The following FAM168A variants were observed in gnomAD, a reference collection of about 807,000 sequenced individuals.
FAM168A encodes protein FAM168A.
FAM168A carries 3 observed loss-of-function variants against 28.5 expected under a neutral mutation model. The ratio of observed to expected loss-of-function variants is 0.11; its 90% CI spans 0.05 to 0.27. The LOEUF (loss-of-function observed/expected upper bound fraction) is 0.27. FAM168A is among the 10% of genes least tolerant of loss of function. The pLI, the probability that FAM168A is intolerant of heterozygous loss-of-function variation, is 1.00. For synonymous variants in FAM168A, 122 were observed against 124.2 expected, an observed-to-expected ratio of 0.98 and a Z score of 0.12; for missense variants, 222 against 311.5, an observed-to-expected ratio of 0.71 and a Z score of 2.16.
chr11:73,551,727 T>C (rs1046486774), intron 1 of FAM168A, among the ~76,000 whole-genome samples: 2 of 152,246 alleles, frequency 1.3e-5, no homozygotes, highest in African/African-American at 4.8e-5. Context: ...AATTCTAACA[T>C]GGCAACACCA....
At chr11:73,544,951 TATATTA>T (rs1419245221) in intron 1 of FAM168A, among the ~76,000 whole-genome samples, 18 of 94,600 alleles carry the variant, frequency 1.9e-4, no homozygotes, top group African/African-American at 7.7e-4. Flanking sequence ...TAATATATAA[TATATTA>T]TATATAATAT....
intron 1 of FAM168A, among the ~76,000 whole-genome samples, chr11:73,490,577 T>G (rs1868114064): frequency 6.6e-6 from 1 of 152,228 alleles, no homozygotes; most frequent in Non-Finnish European, 1.5e-5. Context: ...TCCCCTGCTA[T>G]TCCTTAAAAC....
chr11:73,532,307 CT>C (rs1282906678), intron 1 of FAM168A, among the ~76,000 whole-genome samples: 1 of 152,166 alleles, frequency 6.6e-6, no homozygotes, highest in Non-Finnish European at 1.5e-5. Context: ...TACCCCACCC[CT>C]GCCCAGTGCC....
intron 1 of FAM168A, among the ~76,000 whole-genome samples, chr11:73,589,196 T>C (rs963769918): frequency 1.3e-5 from 2 of 152,192 alleles, no homozygotes; most frequent in African/African-American, 4.8e-5. Context: ...CTACAAAAAT[T>C]ATGCACGGGT....
At chr11:73,529,796 C>CTTTTTTTTTTTTTTTTTTTTTTTTTTTTT (rs772530179) in intron 1 of FAM168A, among the ~76,000 whole-genome samples, 6 of 127,530 alleles carry the variant, frequency 4.7e-5, no homozygotes, top group African/African-American at 2.0e-4. Context: ...ACTTTTTCTT[C>CTTTTTTTTTTTTTTTTTTTTTTTTTTTTT]TTTTTTTTTT....
At chr11:73,440,423 A>G (rs1020572894) in intron 2 of FAM168A, among the ~76,000 whole-genome samples, 3 of 152,156 alleles carry the variant, frequency 2.0e-5, no homozygotes, top group African/African-American at 7.2e-5. Flanking sequence ...AGGAAGGAGG[A>G]CCGCTGCTTG....
rs183155194 is a variant in FAM168A, at chr11:73,439,550, G to T, written c.71-8780C>A. On this transcript the variant is annotated intron_variant, in intron 2 of 7. Transcript: ENST00000356467. Reference sequence around the variant, plus strand: ...ACGCTAGTAATATAACTGCTCCTACGTAAATATATAAGGCCAAGAGTGTGC... The same window carrying T: ...ACGCTAGTAATATAACTGCTCCTACTTAAATATATAAGGCCAAGAGTGTGC... 3.6e-3 allele frequency among the ~76,000 whole-genome samples: 551 copies of T among 152,184 alleles called. 2 individuals carry two copies. The highest frequency in any genetic ancestry group is 0.013 in the African/African-American group (519 of 41,520).
At chr11:73,520,190 C>T (rs1943357941) in intron 1 of FAM168A, among the ~76,000 whole-genome samples, 1 of 151,848 alleles carries the variant, frequency 6.6e-6, no homozygotes, top group African/African-American at 2.4e-5. Context: ...GGACTACAGG[C>T]GTGCACCACC....
chr11:73,524,584 G>A (rs1165882469), intron 1 of FAM168A, among the ~76,000 whole-genome samples: 1 of 150,860 alleles, frequency 6.6e-6, no homozygotes, highest in Non-Finnish European at 1.5e-5. Context: ...ATATATATGT[G>A]TGTGTGTATA....
At chr11:73,564,282 G>C (rs1475549328) in intron 1 of FAM168A, among the ~76,000 whole-genome samples, 1 of 152,180 alleles carries the variant, frequency 6.6e-6, no homozygotes, top group Non-Finnish European at 1.5e-5. Context: ...CAGGGGGGAG[G>C]TGTGGTTCCT....
chr11:73,597,815 C>T (rs1378638307), intron 1 of FAM168A, 108 bp downstream of exon 1: 2 of 152,146 alleles, frequency 1.3e-5, no homozygotes, highest in Admixed American at 1.3e-4. Context: ...CCTCAACCCC[C>T]TCCCCCCAAC....
intron 1 of FAM168A, among the ~76,000 whole-genome samples, chr11:73,479,790 C>T (rs373164322): frequency 6.6e-6 from 1 of 152,170 alleles, no homozygotes; most frequent in East Asian, 1.9e-4. Context: ...TGGAAAAGGG[C>T]CTGATATTAA....
At chr11:73,452,695 A>G (rs1867453184) in intron 2 of FAM168A, among the ~76,000 whole-genome samples, 1 of 152,088 alleles carries the variant, frequency 6.6e-6, no homozygotes, top group South Asian at 2.1e-4. Context: ...CTCTCTCTCC[A>G]TCTACCTATG....
chr11:73,459,279 G>T (rs1394628867), intron 2 of FAM168A, among the ~76,000 whole-genome samples: 2 of 151,774 alleles, frequency 1.3e-5, no homozygotes, highest in Admixed American at 1.3e-4. Flanking sequence ...TAGAAATGAG[G>T]TCTCACCCAT....
chr11:73,463,832 AG>A (rs758421834), intron 2 of FAM168A, among the ~76,000 whole-genome samples: 2 of 152,242 alleles, frequency 1.3e-5, no homozygotes, highest in Non-Finnish European at 2.9e-5. Flanking sequence ...AAGGCTAAAA[AG>A]GGTCCACAAG....
chr11:73,541,553 A>G (rs1181404649), intron 1 of FAM168A, among the ~76,000 whole-genome samples: 1 of 151,618 alleles, frequency 6.6e-6, no homozygotes, highest in Non-Finnish European at 1.5e-5. Flanking sequence ...TTGTATTTTT[A>G]GTACAGACAG....
At chr11:73,539,294 G>C (rs1943624307) in intron 1 of FAM168A, among the ~76,000 whole-genome samples, 1 of 151,846 alleles carries the variant, frequency 6.6e-6, no homozygotes, top group South Asian at 2.1e-4. Context: ...TTTTGAGACG[G>C]AGTCTCATTC....
intron 1 of FAM168A, among the ~76,000 whole-genome samples, chr11:73,529,937 G>A (rs1943496217): frequency 6.6e-6 from 1 of 151,398 alleles, no homozygotes; most frequent in African/African-American, 2.4e-5. Flanking sequence ...CAGGCGCCCG[G>A]CACCACACCC....
At chr11:73,520,338 G>A (rs930283982) in intron 1 of FAM168A, among the ~76,000 whole-genome samples, 1 of 152,010 alleles carries the variant, frequency 6.6e-6, no homozygotes, top group Non-Finnish European at 1.5e-5. Flanking sequence ...GTGAGCCACC[G>A]CGCCTGGCCT....
Sources: allele counts gnomAD v4.1 joint callset (sites outside exome capture counted in the v4.1 genomes callset), GRCh38; gene constraint gnomAD v4.1.1; transcripts MANE v1.5; gene names NCBI Gene and HGNC (gene_info 2026-07-23, HGNC 2026-07-21).